The following XPNPEP3 variants were observed in gnomAD, a reference collection of about 807,000 sequenced individuals.
The protein encoded by XPNPEP3 is xaa-Pro aminopeptidase 3.
In XPNPEP3, 41 loss-of-function variants were observed where a neutral mutation model predicts 60.0. The ratio of observed to expected loss-of-function variants is 0.68; its 90% CI spans 0.53 to 0.89. The LOEUF is 0.89. Among genes scored for constraint, XPNPEP3 ranks in the 40% least tolerant of loss-of-function variants. XPNPEP3 has a pLI of 0.00. For synonymous variants in XPNPEP3, 212 were observed against 223.2 expected, an observed-to-expected ratio of 0.95 and a Z score of 0.45; for missense variants, 598 against 638.9, an observed-to-expected ratio of 0.94 and a Z score of 0.69.
rs369394760 is a variant in XPNPEP3, at chr22:40,928,201, C to CT, written c.*1784dup. ...AGTGCAGTGGTAAAGAGTCATACTT[C>CT]TTTTTTTTTTTTTTTTTTGGAGACA... is the stretch of plus-strand genomic sequence containing the variant. On this transcript the variant is annotated 3_prime_UTR_variant, in exon 10 of 10. Coordinates refer to ENST00000357137, the MANE Select transcript of XPNPEP3 (RefSeq NM_022098.4). 0.37 allele frequency: 47,769 copies of CT among 127,800 alleles called. 10,857 individuals carry two copies. The highest frequency in any genetic ancestry group is 0.72 in the East Asian group (3,047 of 4,246). 7.9% of individuals were successfully genotyped at this position (127,800 alleles called of 1,614,324 possible).
intron 1 of XPNPEP3, among the ~76,000 whole-genome samples, chr22:40,857,576 TTGTTTC>T (rs1412523037): frequency 6.6e-6 from 1 of 152,270 alleles, no homozygotes; most frequent in African/African-American, 2.4e-5. Context: ...CAAGTAGCTC[TTGTTTC>T]TGTTAGGCGT....
chr22:40,900,596 A>G (rs866428642), intron 4 of XPNPEP3, among the ~76,000 whole-genome samples: 22 of 152,002 alleles, frequency 1.4e-4, no homozygotes, highest in African/African-American at 5.3e-4. Flanking sequence ...ACAGAGCAAG[A>G]CTCTGTCTCA....
rs769573944 is a variant in XPNPEP3 at position 40,857,260 on chromosome 22, C to T, written c.64+15C>T. 2 of 1,613,842 alleles carry T rather than the reference C, an allele frequency of 1.2e-6. No individual in the cohort carries two copies. Among genetic ancestry groups the T allele is most frequent in the East Asian group, 2.2e-5 (1 of 44,874 alleles). On this transcript the variant is annotated intron_variant, in intron 1 of 9. Coordinates refer to ENST00000357137, the MANE Select transcript of XPNPEP3 (RefSeq NM_022098.4). ...CGGCCTCTCAGGTTAGACTCTTCTC[C>T]CACGGTCTCCTCCCATGGTGTCCCC...
intron 4 of XPNPEP3, among the ~76,000 whole-genome samples, chr22:40,898,224 CATTTTTTTTTTTTTTTTTTT>C (rs1169436430): frequency 3.3e-4 from 23 of 70,226 alleles, no homozygotes; most frequent in Non-Finnish European, 2.8e-5. Flanking sequence ...GTCTTTGACC[CATTTTTTTTTTTTTTTTTTT>C]TTTTTTTTTT....
intron 1 of XPNPEP3, among the ~76,000 whole-genome samples, chr22:40,864,438 A>G (rs1445392936): frequency 6.6e-6 from 1 of 152,012 alleles, no homozygotes; most frequent in Non-Finnish European, 1.5e-5. Context: ...TATTTTCATT[A>G]TTATTGTTAC....
intron 1 of XPNPEP3, among the ~76,000 whole-genome samples, chr22:40,866,280 A>C (rs964335217): frequency 6.6e-6 from 1 of 152,084 alleles, no homozygotes; most frequent in Non-Finnish European, 1.5e-5. Context: ...GATTGTTCAT[A>C]GTAGACTGGC....
chr22:40,902,499 C>A (rs973449619), intron 4 of XPNPEP3, among the ~76,000 whole-genome samples: 4 of 152,148 alleles, frequency 2.6e-5, no homozygotes, highest in African/African-American at 9.7e-5. Context: ...ATCCGCCCAC[C>A]TCGGCCTCCC....
chr22:40,893,074 TTATTTA>T (rs1402362720), intron 4 of XPNPEP3, among the ~76,000 whole-genome samples: 3 of 147,864 alleles, frequency 2.0e-5, no homozygotes, highest in African/African-American at 7.4e-5. Flanking sequence ...ATTTGAAATA[TTATTTA>T]TATTATATAT....
At chr22:40,878,067 G>A (rs545717307) in intron 2 of XPNPEP3, among the ~76,000 whole-genome samples, 12 of 152,184 alleles carry the variant, frequency 7.9e-5, no homozygotes, top group African/African-American at 1.9e-4. Context: ...TTAGCCGGGC[G>A]TGGTGGCACA....
At chr22:40,918,297 C>T (rs2058203910) in intron 7 of XPNPEP3, among the ~76,000 whole-genome samples, 1 of 152,040 alleles carries the variant, frequency 6.6e-6, no homozygotes, top group Non-Finnish European at 1.5e-5. Context: ...TCACTTGACC[C>T]CTGAAATTTT....
At chr22:40,913,928 T>A (rs2058185639) in intron 6 of XPNPEP3, among the ~76,000 whole-genome samples, 1 of 152,144 alleles carries the variant, frequency 6.6e-6, no homozygotes, top group Non-Finnish European at 1.5e-5. Context: ...GCAGATCACC[T>A]GAGGTTGGGA....
chr22:40,869,139 C>G, intron 2 of XPNPEP3, 24 bp downstream of exon 2: 2 of 1,583,116 alleles, frequency 1.3e-6, no homozygotes. Context: ...ACTGTGCTAT[C>G]TCCCCATTTA....
chr22:40,913,271 C>A (rs2058183208), intron 6 of XPNPEP3, among the ~76,000 whole-genome samples: 1 of 151,610 alleles, frequency 6.6e-6, no homozygotes, highest in East Asian at 1.9e-4. Flanking sequence ...GAGATCGAGA[C>A]CATCCTGGCC....
intron 5 of XPNPEP3, 77 bp from the exon 6 acceptor site, chr22:40,909,045 A>G (rs765525148): frequency 7.6e-5 from 84 of 1,106,810 alleles, no homozygotes; most frequent in South Asian, 1.5e-4. Context: ...GTATGGAGGT[A>G]TGGGCTGTTG....
At chr22:40,861,899 A>G in intron 1 of XPNPEP3, 1 of 1,613,936 alleles carries the variant, frequency 6.2e-7, no homozygotes, top group Non-Finnish European at 8.5e-7. Flanking sequence ...GATTTTTATC[A>G]GGGTGCCATT....
chr22:40,867,564 C>G (rs1359346767), intron 1 of XPNPEP3, among the ~76,000 whole-genome samples: 1 of 151,654 alleles, frequency 6.6e-6, no homozygotes, highest in African/African-American at 2.4e-5. Context: ...GTGTGGGTTT[C>G]CAACCTGGGC....
At chr22:40,921,486 TAAAA>T (rs1271058960) in intron 7 of XPNPEP3, among the ~76,000 whole-genome samples, 2 of 103,930 alleles carry the variant, frequency 1.9e-5, no homozygotes, top group African/African-American at 3.5e-5. Context: ...ACCTTGTCTC[TAAAA>T]AAAAAAAAAA....
At chr22:40,878,214 A>C (rs1453674747) in intron 2 of XPNPEP3, among the ~76,000 whole-genome samples, 2 of 152,104 alleles carry the variant, frequency 1.3e-5, no homozygotes, top group Non-Finnish European at 2.9e-5. Flanking sequence ...CTCAAAAAAA[A>C]AAAAAAAAAT....
rs756787258 is a variant in XPNPEP3, at chr22:40,857,155, T to C, written c.-27T>C. The C allele has an allele frequency of 6.2e-7, 1 of 1,613,846 alleles. No homozygotes were observed. Among genetic ancestry groups the C allele is most frequent in the South Asian group, 1.1e-5 (1 of 91,038 alleles). On this transcript the variant is annotated 5_prime_UTR_variant, in exon 1 of 10. Transcript: ENST00000357137. ...GCGTTCCCCGTCGTTACCCTCTTTC[T>C]CTTCCCGACGCGTGAGTTAGGCCGT...
Sources: allele counts gnomAD v4.1 joint callset (sites outside exome capture counted in the v4.1 genomes callset), GRCh38; gene constraint gnomAD v4.1.1; transcripts MANE v1.5; gene names NCBI Gene and HGNC (gene_info 2026-07-23, HGNC 2026-07-21).